The following OPRK1 variants were observed in gnomAD, a reference collection of about 807,000 sequenced individuals.
OPRK1 encodes the protein kappa-type opioid receptor.
OPRK1 carries 15 observed loss-of-function variants against 24.5 expected under a neutral mutation model. The ratio of observed to expected loss-of-function variants is 0.61; its 90% CI spans 0.41 to 0.94. The LOEUF is 0.94. OPRK1 is among the 40% of genes least tolerant of loss of function. The probability of loss-of-function intolerance (pLI) is 0.00; values close to 1 mark genes in which losing one functional copy is unlikely to be tolerated. For synonymous variants in OPRK1, 205 were observed against 198.0 expected (o/e 1.04, Z -0.30); for missense variants, 479 against 507.3 (o/e 0.94, Z 0.54).
intron 2 of OPRK1, chr8:53,238,720 T>G: frequency 1.0e-6 from 1 of 985,464 alleles, no homozygotes; most frequent in Non-Finnish European, 1.2e-6. Context: ...AACAAAGTTA[T>G]CTGCTGAGAT....
At chr8:53,230,160 A>C (rs1479718540) in intron 3 of OPRK1, among the ~76,000 whole-genome samples, 1 of 151,872 alleles carries the variant, frequency 6.6e-6, no homozygotes, top group East Asian at 1.9e-4. Context: ...GAGTTAATGT[A>C]TACCATGAGT....
chr8:53,246,663 C>A (rs1225329453), intron 2 of OPRK1, among the ~76,000 whole-genome samples: 1 of 152,088 alleles, frequency 6.6e-6, no homozygotes, highest in African/African-American at 2.4e-5. Context: ...GGAGAATCTT[C>A]CTGTGAGACA....
rs920368899 is a variant in OPRK1, at chr8:53,227,362, A to G, written c.*1935T>C. ...CTGTTATACTTTGCACTGGAAAGGA[A>G]TCTGACGAGAAAGTCTCTTGGGTTT... On this transcript the variant is annotated 3_prime_UTR_variant, in exon 4 of 4. Transcript: ENST00000265572. 1 of 152,150 alleles carries G rather than the reference A, an allele frequency of 6.6e-6. No homozygotes were observed. The highest frequency in any genetic ancestry group is 1.5e-5 in the Non-Finnish European group (1 of 68,030). 9.4% of individuals were successfully genotyped at this position (152,150 alleles called of 1,614,324 possible). A position where few individuals can be genotyped will look rare whatever the true frequency, so the allele number is the denominator to read the frequency against.
At chr8:53,238,152 A>T (rs1277713186) in intron 2 of OPRK1, among the ~76,000 whole-genome samples, 2 of 152,186 alleles carry the variant, frequency 1.3e-5, no homozygotes, top group African/African-American at 4.8e-5. Context: ...TTTGTATCTA[A>T]CCGCAACAGA....
rs1807386196 is a variant in OPRK1, at chr8:53,251,155, G to A, written c.-48-70C>T. 2.2e-6 allele frequency: 3 copies of A among 1,389,302 alleles called. No homozygotes were observed. The African/African-American group carries it at 4.6e-5, about 21-fold the overall frequency. 86.1% of individuals were successfully genotyped at this position (1,389,302 alleles called of 1,614,324 possible). A position where few individuals can be genotyped will look rare whatever the true frequency, so the allele number is the denominator to read the frequency against. The stretch of plus-strand genomic sequence containing the variant: ...GCCCGCGCCCTGGCCAGCGGCGCTG[G>A]GGACCCGGAGCCTGCGGACTCCCAC... On this transcript the variant is annotated intron_variant, in intron 1 of 3. Transcript: ENST00000265572.
intron 2 of OPRK1, among the ~76,000 whole-genome samples, chr8:53,241,852 A>G (rs1402652337): frequency 6.6e-6 from 1 of 152,204 alleles, no homozygotes; most frequent in East Asian, 1.9e-4. Flanking sequence ...CAAGGAAGGA[A>G]GGGTAACGGG....
chr8:53,229,535 G>T lies in OPRK1; in HGVS notation c.905C>A (p.Thr302Asn), dbSNP rs759653776. The T allele has an allele frequency of 1.2e-6, 2 of 1,614,188 alleles. No individual in the cohort carries two copies. Among genetic ancestry groups the T allele is most frequent in the Non-Finnish European group, 1.7e-6 (2 of 1,180,048 alleles). The change falls in exon 4 of 4, where the codon ACC becomes AAC. Residue 302 changes from threonine to asparagine, a missense_variant. Thr to Asn is a moderately conservative substitution (Grantham distance 65, BLOSUM62 0). Coordinates refer to ENST00000265572, the MANE Select transcript of OPRK1 (RefSeq NM_000912.5). Reference sequence around the variant, plus strand: ...GGAGAGAGCAGCTGTGCTGTGGGAGGTGCTCCCCAGAGCCTCCACCAGGAT... The same window carrying T: ...GGAGAGAGCAGCTGTGCTGTGGGAGTTGCTCCCCAGAGCCTCCACCAGGAT... The part of the protein sequence containing the change: ...IFILVEALGS[T>N]SHSTAALSSY...
intron 2 of OPRK1, among the ~76,000 whole-genome samples, chr8:53,239,472 T>A (rs1807067298): frequency 6.6e-6 from 1 of 152,192 alleles, no homozygotes; most frequent in Non-Finnish European, 1.5e-5. Flanking sequence ...AGGAAATGGA[T>A]TTCCTGGTTC....
intron 2 of OPRK1, chr8:53,242,966 C>T (rs996165647): frequency 5.5e-5 from 70 of 1,271,002 alleles, no homozygotes; most frequent in South Asian, 3.4e-4. Context: ...ATTATCCCCA[C>T]TCCTAAAATC....
rs1806788121 is a variant in OPRK1, at chr8:53,229,177, C to G, written c.*120G>C. ...CTGATGACTTCAGACCATGAGATCTCTAAAAGTTTATTTTAAATTCTATCT... is the reference window on the plus strand; with the variant it reads ...CTGATGACTTCAGACCATGAGATCTGTAAAAGTTTATTTTAAATTCTATCT... On this transcript the variant is annotated 3_prime_UTR_variant, in exon 4 of 4. Transcript: ENST00000265572. The G allele has an allele frequency of 7.9e-7, 1 of 1,266,816 alleles. No individual in the cohort carries two copies. Among genetic ancestry groups the G allele is most frequent in the South Asian group, 1.5e-5 (1 of 65,532 alleles). The allele number at this position is 1,266,816 out of a possible 1,614,324, so 78.5% of individuals were successfully genotyped here.
chr8:53,241,234 C>T (rs865918862), intron 2 of OPRK1, among the ~76,000 whole-genome samples: 9 of 152,148 alleles, frequency 5.9e-5, no homozygotes, highest in Admixed American at 1.3e-4. Context: ...GAATGATGAC[C>T]GTGCTGACGT....
chr8:53,237,474 A>G (rs16918909), intron 2 of OPRK1, among the ~76,000 whole-genome samples: 17,912 of 152,202 alleles, frequency 0.12, 1,351 homozygotes, highest in South Asian at 0.23. Context: ...TACAGGCAAT[A>G]ATCACACTGA....
intron 2 of OPRK1, among the ~76,000 whole-genome samples, chr8:53,245,475 C>T (rs1380650452): frequency 6.6e-6 from 1 of 152,112 alleles, no homozygotes; most frequent in African/African-American, 2.4e-5. Context: ...GTTGCTTAAC[C>T]CACCCAGTCT....
At position 53,240,347 on chromosome 8, in the gene OPRK1, G is replaced by A. The variant is rs183839049; in HGVS notation, c.258-5236C>T. Among the ~76,000 whole-genome samples, 545 of 152,258 alleles carry A rather than the reference G, an allele frequency of 3.6e-3. 6 individuals carry two copies. The highest frequency in any genetic ancestry group is 0.012 in the African/African-American group (508 of 41,542). On this transcript the variant is annotated intron_variant, in intron 2 of 3. Transcript: ENST00000265572. ...TTTCTAAATAGATTCCTTTAATACA[G>A]CAAAAACCTAAAGGTCCATAGAATG...
chr8:53,229,729 G>T lies in OPRK1; in HGVS notation c.711C>A (p.Ile237=). 1 of 1,614,052 alleles carries T rather than the reference G, an allele frequency of 6.2e-7. No homozygotes were observed. Among genetic ancestry groups the T allele is most frequent in the South Asian group, 1.1e-5 (1 of 91,060 alleles). The change falls in exon 4 of 4, where the codon ATC becomes ATA. Residue 237 remains isoleucine (I), a synonymous_variant. Coordinates refer to ENST00000265572, the MANE Select transcript of OPRK1 (RefSeq NM_000912.5). ...KICVFIFAFV[I]PVLIIIVCYT... ...AGCAGACGATGATGATGAGGACAGG[G>T]ATCACGAAGGCAAAGATGAAGACGC...
rs1806759668 is a variant in OPRK1, at chr8:53,228,265, A to G, written c.*1032T>C. 6.6e-6 allele frequency: 1 copy of G among 152,248 alleles called. No homozygotes were observed. The highest frequency in any genetic ancestry group is 6.5e-5 in the Admixed American group (1 of 15,280). The allele number at this position is 152,248 out of a possible 1,614,324, so 9.4% of individuals were successfully genotyped here. A position where few individuals can be genotyped will look rare whatever the true frequency, so the allele number is the denominator to read the frequency against. ...ATGTTCATAAAGAGATGTGGCAAAT[A>G]AACTAGATCCTGCGAAGGCTACAAC... On this transcript the variant is annotated 3_prime_UTR_variant, in exon 4 of 4. Transcript: ENST00000265572.
At chr8:53,237,889 A>C (rs1585633024) in intron 2 of OPRK1, among the ~76,000 whole-genome samples, 1 of 152,170 alleles carries the variant, frequency 6.6e-6, no homozygotes, top group Admixed American at 6.5e-5. Flanking sequence ...CAGAGGCAGG[A>C]CCTCAGTGGG....
At chr8:53,231,720 G>A (rs1429541990) in intron 3 of OPRK1, among the ~76,000 whole-genome samples, 1 of 152,158 alleles carries the variant, frequency 6.6e-6, no homozygotes, top group Admixed American at 6.5e-5. Context: ...TGCATAAACA[G>A]AATAAATTGT....
Position 53,229,980 on chromosome 8 carries a change from T to G in OPRK1, c.611-151A>C, listed in dbSNP as rs1012895059. On this transcript the variant is annotated intron_variant, in intron 3 of 3. Coordinates refer to ENST00000265572, the MANE Select transcript of OPRK1 (RefSeq NM_000912.5). ...TACCTGAAGTAGATCACCAAATTACTAATGAATACTGTATTTTGTTAGCCA... is the reference window on the plus strand; with the variant it reads ...TACCTGAAGTAGATCACCAAATTACGAATGAATACTGTATTTTGTTAGCCA... The G allele has an allele frequency of 4.4e-6, 3 of 678,192 alleles. No homozygotes were observed. The African/African-American group carries it at 5.4e-5, about 12-fold the overall frequency. 42.0% of individuals were successfully genotyped at this position (678,192 alleles called of 1,614,324 possible).
Sources: gnomAD v4.1 joint callset for allele counts (sites outside exome capture counted in the v4.1 genomes callset) on GRCh38, gnomAD v4.1.1 for gene constraint, MANE v1.5 for transcripts, NCBI Gene and HGNC (gene_info 2026-07-23, HGNC 2026-07-21) for gene names.